INPP4B: variants seen among roughly 807,000 people sequenced by gnomAD.
The protein encoded by INPP4B is inositol polyphosphate 4-phosphatase type II.
INPP4B carries 55 observed loss-of-function variants against 122.5 expected under a neutral mutation model. The ratio of observed to expected loss-of-function variants is 0.45; its 90% confidence interval spans 0.36 to 0.56. INPP4B has a LOEUF of 0.56. Ranked by LOEUF, INPP4B falls within the 20% of genes least tolerant of loss-of-function variation. The pLI, the probability that INPP4B is intolerant of heterozygous loss-of-function variation, is 0.00. For missense variants in INPP4B, 1,000 were observed against 1,097.7 expected (o/e 0.91, Z 1.26); for synonymous variants, 403 against 388.7 (o/e 1.04, Z -0.43).
chr4:142,743,752 T>C (rs1367262268), intron 1 of INPP4B, among the ~76,000 whole-genome samples: 1 of 151,946 alleles, frequency 6.6e-6, no homozygotes, highest in Non-Finnish European at 1.5e-5. Context: ...ACAGGAGACA[T>C]AGAGTTCAGA....
At chr4:142,512,817 T>C (rs961213521) in intron 2 of INPP4B, among the ~76,000 whole-genome samples, 6 of 152,190 alleles carry the variant, frequency 3.9e-5, no homozygotes, top group African/African-American at 1.4e-4. Flanking sequence ...TTCCTGATTA[T>C]TTTACATTTT....
intron 9 of INPP4B, among the ~76,000 whole-genome samples, chr4:142,294,314 C>A (rs1304353047): frequency 2.8e-5 from 2 of 70,776 alleles, no homozygotes; most frequent in Non-Finnish European, 3.7e-5. Flanking sequence ...GCTCTGACAT[C>A]CTTTTTCCAG....
chr4:142,610,138 AG>A (rs923683742), intron 2 of INPP4B, among the ~76,000 whole-genome samples: 1 of 152,184 alleles, frequency 6.6e-6, no homozygotes, highest in African/African-American at 2.4e-5. Context: ...TAATTGAATC[AG>A]GGGGGCAGTT....
chr4:142,276,408 C>T (rs1206268866), intron 9 of INPP4B, among the ~76,000 whole-genome samples: 2 of 151,818 alleles, frequency 1.3e-5, no homozygotes, highest in Non-Finnish European at 2.9e-5. Flanking sequence ...TCACACTGAT[C>T]CACCTCATCA....
intron 8 of INPP4B, among the ~76,000 whole-genome samples, chr4:142,306,107 G>A (rs1281112994): frequency 6.6e-6 from 1 of 151,956 alleles, no homozygotes; most frequent in African/African-American, 2.4e-5. Context: ...GAAAGAAAAT[G>A]GCACTTATTA....
intron 2 of INPP4B, among the ~76,000 whole-genome samples, chr4:142,698,097 A>C (rs1458347930): frequency 6.6e-6 from 1 of 152,124 alleles, no homozygotes; most frequent in African/African-American, 2.4e-5. Context: ...TAAAACACTC[A>C]AGCTGAAATA....
Position 142,458,232 on chromosome 4 carries a change from T to C in INPP4B, c.-127+4431A>G, listed in dbSNP as rs1289999501. On this transcript the variant is annotated intron_variant, in intron 3 of 25. Transcript: ENST00000262992. Reference sequence around the variant, plus strand: ...TTCTATTTTAATGGCATAAATAAAATAGGCAGAATTATAGGTATAGAAAAA... The same window carrying C: ...TTCTATTTTAATGGCATAAATAAAACAGGCAGAATTATAGGTATAGAAAAA... 1.5e-4 allele frequency among the ~76,000 whole-genome samples: 23 copies of C among 152,202 alleles called. No homozygotes were observed. In the East Asian group the frequency reaches 3.9e-3, roughly 26 times the overall value.
chr4:142,363,082 T>A (rs1176978517), intron 7 of INPP4B, among the ~76,000 whole-genome samples: 2 of 152,054 alleles, frequency 1.3e-5, no homozygotes, highest in Non-Finnish European at 2.9e-5. Flanking sequence ...ATTCTCTAAA[T>A]GCCTTTGGCG....
At chr4:142,210,025 CT>C (rs1844248887) in intron 12 of INPP4B, among the ~76,000 whole-genome samples, 1 of 151,992 alleles carries the variant, frequency 6.6e-6, no homozygotes. Context: ...ATCAGAATGC[CT>C]TTTTAAAACT....
chr4:142,252,282 G>A (rs983490178), intron 11 of INPP4B, among the ~76,000 whole-genome samples: 9 of 149,782 alleles, frequency 6.0e-5, no homozygotes, highest in Admixed American at 2.0e-4. Flanking sequence ...TCCGCCTCCC[G>A]GGTTCACGCC....
At chr4:142,456,427 G>C (rs1435909728) in intron 3 of INPP4B, among the ~76,000 whole-genome samples, 1 of 151,998 alleles carries the variant, frequency 6.6e-6, no homozygotes, top group Non-Finnish European at 1.5e-5. Context: ...TCAAAACTGA[G>C]TTCACTGTAC....
intron 7 of INPP4B, among the ~76,000 whole-genome samples, chr4:142,347,192 C>G (rs1421168987): frequency 6.6e-6 from 1 of 151,874 alleles, no homozygotes; most frequent in East Asian, 1.9e-4. Flanking sequence ...TAATTTTTTT[C>G]AAGTTAACCT....
intron 9 of INPP4B, among the ~76,000 whole-genome samples, chr4:142,280,076 G>A (rs1017473473): frequency 2.0e-5 from 3 of 151,740 alleles, no homozygotes; most frequent in Admixed American, 1.3e-4. Context: ...CCTTACAATG[G>A]CTGGCAAGGA....
At chr4:142,321,456 G>A (rs1365580014) in intron 7 of INPP4B, among the ~76,000 whole-genome samples, 1 of 152,024 alleles carries the variant, frequency 6.6e-6, no homozygotes, top group Non-Finnish European at 1.5e-5. Flanking sequence ...ATTTCTCTCT[G>A]TTTTTGTTGC....
At chr4:142,608,186 G>T (rs1741688692) in intron 2 of INPP4B, among the ~76,000 whole-genome samples, 2 of 152,122 alleles carry the variant, frequency 1.3e-5, no homozygotes, top group South Asian at 4.1e-4. Flanking sequence ...ATTAGTTAAT[G>T]ATTTCCTAAA....
chr4:142,275,325 C>T (rs1014988232), intron 9 of INPP4B, among the ~76,000 whole-genome samples: 79 of 151,970 alleles, frequency 5.2e-4, no homozygotes, highest in African/African-American at 1.9e-3. Context: ...GGAAATGCCA[C>T]AGAGATACAA....
intron 9 of INPP4B, among the ~76,000 whole-genome samples, chr4:142,293,372 A>G (rs1757262118): frequency 6.6e-6 from 1 of 152,080 alleles, no homozygotes; most frequent in Non-Finnish European, 1.5e-5. Context: ...GATCAACCAC[A>G]AAACTATAGG....
chr4:142,308,638 T>C (rs1033336513), intron 8 of INPP4B, among the ~76,000 whole-genome samples: 2 of 152,100 alleles, frequency 1.3e-5, no homozygotes, highest in Non-Finnish European at 2.9e-5. Flanking sequence ...CTATAGCACA[T>C]GATGCTAATG....
intron 23 of INPP4B, among the ~76,000 whole-genome samples, chr4:142,093,811 G>C (rs1382054722): frequency 6.6e-6 from 1 of 152,008 alleles, no homozygotes; most frequent in African/African-American, 2.4e-5. Context: ...TCCCATCCTG[G>C]TCTGCGTTGA....
Sources: allele counts gnomAD v4.1 joint callset (sites outside exome capture counted in the v4.1 genomes callset), GRCh38; gene constraint gnomAD v4.1.1; transcripts MANE v1.5; gene names NCBI Gene and HGNC (gene_info 2026-07-23, HGNC 2026-07-21).